The following PCDHGA7 variants were observed in gnomAD, a reference collection of about 807,000 sequenced individuals.
PCDHGA7 encodes protocadherin gamma-A7.
PCDHGA7 carries 44 observed loss-of-function variants against 58.3 expected under a neutral mutation model. The ratio of observed to expected loss-of-function variants is 0.75; its 90% CI spans 0.59 to 0.97. PCDHGA7 has a LOEUF of 0.97. Ranked by LOEUF, PCDHGA7 falls within the 50% of genes least tolerant of loss-of-function variation. The probability of loss-of-function intolerance (pLI) is 0.00; values close to 1 mark genes in which losing one functional copy is unlikely to be tolerated. For missense variants in PCDHGA7, 1,266 were observed against 1,188.7 expected, an observed-to-expected ratio of 1.06 and a Z score of -0.96; for synonymous variants, 516 against 504.2, an observed-to-expected ratio of 1.02 and a Z score of -0.31.
chr5:141,450,900 C>T (rs907024071), intron 1 of PCDHGA7, among the ~76,000 whole-genome samples: 9 of 151,048 alleles, frequency 6.0e-5, no homozygotes, highest in Non-Finnish European at 1.2e-4. Flanking sequence ...TATCGGCTCA[C>T]TGCAACCGCT....
At chr5:141,391,788 G>GT (rs1373420883) in intron 1 of PCDHGA7, 2 of 152,132 alleles carry the variant, frequency 1.3e-5, no homozygotes, top group African/African-American at 2.4e-5. Flanking sequence ...ACTTTTTGCA[G>GT]TTTTTTAGAT....
chr5:141,475,106 G>T (rs1182368610), intron 1 of PCDHGA7, among the ~76,000 whole-genome samples: 6 of 152,220 alleles, frequency 3.9e-5, no homozygotes, highest in Admixed American at 2.0e-4. Context: ...ATCCTAGGTG[G>T]TAAATAGGCC....
chr5:141,418,696 T>C, intron 1 of PCDHGA7: 1 of 1,614,034 alleles, frequency 6.2e-7, no homozygotes, highest in Non-Finnish European at 8.5e-7. Context: ...AGATCACTTA[T>C]TCCTTCTTTG....
chr5:141,491,666 G>A lies in PCDHGA7; in HGVS notation c.2425-3141G>A, dbSNP rs373526771. 9.4e-5 allele frequency: 152 copies of A among 1,613,614 alleles called. No homozygotes were observed. The highest frequency in any genetic ancestry group is 1.2e-4 in the Non-Finnish European group (142 of 1,180,016). The stretch of plus-strand genomic sequence containing the variant: ...CTGGCGCTGGAGCCTGACGCCATCC[G>A]GTCCCGCTCTAATACGCTGCGGGAG... On this transcript the variant is annotated intron_variant, in intron 1 of 3. Coordinates refer to ENST00000518325, the MANE Select transcript of PCDHGA7 (RefSeq NM_018920.4). This position sits in a 1 kb window ranked among gnomAD's most constrained non-coding sequence, Gnocchi z 6.9.
chr5:141,440,103 A>G (rs1391819927), intron 1 of PCDHGA7: 1 of 152,222 alleles, frequency 6.6e-6, no homozygotes, highest in Non-Finnish European at 1.5e-5. Flanking sequence ...GAAAGTGGAG[A>G]CTTACTTGTG....
intron 1 of PCDHGA7, chr5:141,404,899 T>C (rs768489392): frequency 6.2e-7 from 1 of 1,613,718 alleles, no homozygotes; most frequent in East Asian, 2.2e-5. Flanking sequence ...TACAGGACCA[T>C]GGCCAGCCCC....
chr5:141,414,587 G>C (rs775783880), intron 1 of PCDHGA7: 3 of 1,613,828 alleles, frequency 1.9e-6, no homozygotes, highest in Admixed American at 3.3e-5. Context: ...AACAACGCCA[G>C]GGGTGCCTCC....
chr5:141,394,855 C>T (rs1201168639), intron 1 of PCDHGA7: 2 of 1,613,778 alleles, frequency 1.2e-6, no homozygotes, highest in African/African-American at 1.3e-5. Context: ...CTGAAGCCTT[C>T]GGTCGACCCG....
rs368155258 is a variant in PCDHGA7 at position 141,394,236 on chromosome 5, A to T, written c.2424+8913A>T. 3.1e-5 allele frequency: 50 copies of T among 1,613,818 alleles called. No individual in the cohort carries two copies. The highest frequency in any genetic ancestry group is 3.9e-5 in the Non-Finnish European group (46 of 1,179,848). On this transcript the variant is annotated intron_variant, in intron 1 of 3. Transcript: ENST00000518325. ...GAGAGGAGCCTCCATCTTTTCCTTG[A>T]CTGCACACGACCCCGACAGCCAGGA...
chr5:141,393,623 T>A (rs1446921809), intron 1 of PCDHGA7: 2 of 1,613,916 alleles, frequency 1.2e-6, no homozygotes, highest in African/African-American at 2.7e-5. Flanking sequence ...GCGACCCGGA[T>A]GAGGGAATCA....
intron 1 of PCDHGA7, chr5:141,478,786 C>T: frequency 6.8e-7 from 1 of 1,480,998 alleles, no homozygotes; most frequent in Non-Finnish European, 9.0e-7. Context: ...ACCTAATTCA[C>T]ATCCTCAGCA....
chr5:141,394,962 A>G (rs971000405), intron 1 of PCDHGA7: 8 of 1,613,710 alleles, frequency 5.0e-6, no homozygotes, highest in Non-Finnish European at 6.8e-6. Context: ...GCTCAGGCTG[A>G]GGCGCTGGCA....
chr5:141,483,009 C>T (rs538900128), intron 1 of PCDHGA7, among the ~76,000 whole-genome samples: 4 of 151,942 alleles, frequency 2.6e-5, no homozygotes, highest in Non-Finnish European at 5.9e-5. Flanking sequence ...TGCTTGAACC[C>T]GGGAGGCAGA....
chr5:141,403,136 C>T, intron 1 of PCDHGA7: 1 of 1,614,006 alleles, frequency 6.2e-7, no homozygotes, highest in South Asian at 1.1e-5. Flanking sequence ...GCTGGCGGAG[C>T]GCCGAGTCCG....
intron 1 of PCDHGA7, chr5:141,400,720 T>G (rs2150871186): frequency 1.5e-6 from 1 of 669,356 alleles, no homozygotes; most frequent in Non-Finnish European, 2.5e-6. Context: ...CCTTATAGAT[T>G]TACAAAGTAG....
At chr5:141,410,440 G>C in intron 1 of PCDHGA7, 1 of 1,614,036 alleles carries the variant, frequency 6.2e-7, no homozygotes, top group Non-Finnish European at 8.5e-7. Context: ...ACAGTGAGGG[G>C]ACTTTGCCTT....
intron 1 of PCDHGA7, among the ~76,000 whole-genome samples, chr5:141,445,784 G>A (rs2098477494): frequency 6.6e-6 from 1 of 152,168 alleles, no homozygotes; most frequent in Non-Finnish European, 1.5e-5. Flanking sequence ...GGGCTAGGGA[G>A]GCTAGAAACA....
At chr5:141,422,053 G>A in intron 1 of PCDHGA7, 1 of 1,611,606 alleles carries the variant, frequency 6.2e-7, no homozygotes, top group Non-Finnish European at 8.5e-7. Context: ...GGGAATCAAC[G>A]GGGAAGTAAT....
intron 1 of PCDHGA7, chr5:141,427,017 TAC>T (rs764268354): frequency 2.2e-5 from 10 of 456,792 alleles, no homozygotes; most frequent in South Asian, 1.4e-4. Context: ...CCAGGATGTA[TAC>T]AAAGTCAGCC....
Sources: gnomAD v4.1 joint callset for allele counts (sites outside exome capture counted in the v4.1 genomes callset) on GRCh38, gnomAD v4.1.1 for gene constraint, Gnocchi (gnomAD v3.1) non-coding constraint, MANE v1.5 for transcripts, NCBI Gene and HGNC (gene_info 2026-07-23, HGNC 2026-07-21) for gene names.